Variants in SKAP1 observed in about 807,000 individuals in gnomAD.
The protein encoded by SKAP1 is src kinase associated phosphoprotein 1.
Under a neutral mutation model 58.5 loss-of-function variants are expected in SKAP1, and 44 were observed. The observed-to-expected ratio is 0.75, with a 90% CI of 0.59 to 0.97. The LOEUF (loss-of-function observed/expected upper bound fraction) is 0.97. Among genes scored for constraint, SKAP1 ranks in the 50% least tolerant of loss-of-function variants. The pLI is 0.00. For missense variants in SKAP1, 390 were observed against 435.2 expected (o/e 0.90, Z 0.92); for synonymous variants, 127 against 149.7 (o/e 0.85, Z 1.11).
At chr17:48,194,950 G>A (rs2064603896) in intron 4 of SKAP1, among the ~76,000 whole-genome samples, 1 of 152,168 alleles carries the variant, frequency 6.6e-6, no homozygotes, top group Non-Finnish European at 1.5e-5. Flanking sequence ...TCTGAAGGCT[G>A]GGAATGGTCA....
At chr17:48,344,688 A>G (rs1247265847) in intron 4 of SKAP1, among the ~76,000 whole-genome samples, 1 of 152,230 alleles carries the variant, frequency 6.6e-6, no homozygotes, top group Non-Finnish European at 1.5e-5. Context: ...GAATCAATAC[A>G]CAGATCCTAT....
At chr17:48,390,110 T>C (rs1449960747) in intron 2 of SKAP1, among the ~76,000 whole-genome samples, 3 of 152,198 alleles carry the variant, frequency 2.0e-5, no homozygotes, top group Non-Finnish European at 4.4e-5. Flanking sequence ...TGCTCTTGCA[T>C]TTCCCTCCCC....
intron 4 of SKAP1, among the ~76,000 whole-genome samples, chr17:48,305,408 C>CA (rs1178653974): frequency 5.9e-5 from 9 of 152,172 alleles, no homozygotes; most frequent in Non-Finnish European, 1.2e-4. Flanking sequence ...TTGTCTAAGG[C>CA]CACTTGCACA....
chr17:48,267,859 G>C (rs2065573467), intron 4 of SKAP1, among the ~76,000 whole-genome samples: 2 of 152,200 alleles, frequency 1.3e-5, no homozygotes, highest in Admixed American at 1.3e-4. Flanking sequence ...AGGGAAGGGA[G>C]AGATGGAAAG....
chr17:48,400,481 G>A, intron 1 of SKAP1, among the ~76,000 whole-genome samples: 1 of 152,080 alleles, frequency 6.6e-6, no homozygotes, highest in East Asian at 1.9e-4. Context: ...ATGTAGGATG[G>A]GCATGGTGGT....
chr17:48,359,981 C>T (rs1416594283), intron 3 of SKAP1, among the ~76,000 whole-genome samples: 1 of 152,120 alleles, frequency 6.6e-6, no homozygotes, highest in Non-Finnish European at 1.5e-5. Flanking sequence ...GATTTTTAAG[C>T]TTCACAAAGT....
At chr17:48,290,265 A>T (rs1374928796) in intron 4 of SKAP1, among the ~76,000 whole-genome samples, 1 of 152,218 alleles carries the variant, frequency 6.6e-6, no homozygotes, top group Non-Finnish European at 1.5e-5. Context: ...GTAACTAAAG[A>T]TGGTATGTTT....
chr17:48,168,103 C>T (rs1257045825), intron 10 of SKAP1, among the ~76,000 whole-genome samples: 2 of 152,150 alleles, frequency 1.3e-5, no homozygotes, highest in African/African-American at 4.8e-5. Flanking sequence ...GAAATTACAT[C>T]TTACAGGGTC....
chr17:48,257,214 G>C (rs2065433119), intron 4 of SKAP1, among the ~76,000 whole-genome samples: 1 of 151,868 alleles, frequency 6.6e-6, no homozygotes, highest in Admixed American at 6.6e-5. Flanking sequence ...ACTGACTGTA[G>C]CTTGAGGTTA....
At chr17:48,286,439 C>G (rs1161035825) in intron 4 of SKAP1, among the ~76,000 whole-genome samples, 1 of 152,230 alleles carries the variant, frequency 6.6e-6, no homozygotes, top group Non-Finnish European at 1.5e-5. Flanking sequence ...ATTCCTCAAA[C>G]TTAACTTCAA....
At chr17:48,160,865 C>T (rs116169002) in intron 11 of SKAP1, among the ~76,000 whole-genome samples, 25 of 152,326 alleles carry the variant, frequency 1.6e-4, no homozygotes, top group African/African-American at 5.3e-4. Context: ...TTCTATTACA[C>T]GGCAAACCTT....
chr17:48,328,232 G>T (rs1045234083), intron 4 of SKAP1, among the ~76,000 whole-genome samples: 4 of 152,178 alleles, frequency 2.6e-5, no homozygotes, highest in African/African-American at 9.7e-5. Context: ...TTTGAACAAG[G>T]TTTTTAAAGT....
intron 4 of SKAP1, among the ~76,000 whole-genome samples, chr17:48,237,825 C>G (rs2065197900): frequency 6.6e-6 from 1 of 151,874 alleles, no homozygotes; most frequent in African/African-American, 2.4e-5. Context: ...AGTTTCCAAT[C>G]CACAACACAT....
chr17:48,228,189 AAGAC>A (rs1170461007), intron 4 of SKAP1, among the ~76,000 whole-genome samples: 5 of 151,856 alleles, frequency 3.3e-5, no homozygotes, highest in Non-Finnish European at 7.4e-5. Context: ...GAGAGAGAGA[AAGAC>A]AAAGAGAGAT....
chr17:48,406,722 T>C (rs1441930756), intron 1 of SKAP1, among the ~76,000 whole-genome samples: 3 of 152,064 alleles, frequency 2.0e-5, no homozygotes, highest in Non-Finnish European at 4.4e-5. Flanking sequence ...CCCACGACCA[T>C]GCCTAGCTAA....
intron 2 of SKAP1, among the ~76,000 whole-genome samples, chr17:48,393,803 C>G (rs2067380024): frequency 6.6e-6 from 1 of 151,856 alleles, no homozygotes; most frequent in African/African-American, 2.4e-5. Flanking sequence ...TTACATTTAT[C>G]TAGTAGTGGC....
rs547249414 is a variant in SKAP1, at chr17:48,395,937, C to CAGAT, written c.152+739_152+742dup. On this transcript the variant is annotated intron_variant, in intron 2 of 12. Coordinates refer to ENST00000336915, the MANE Select transcript of SKAP1 (RefSeq NM_003726.4). ...AAATTAAATCCCAACCATAACCCTG[C>CAGAT]AGATGCTCTTCCTTTTCTAAGAATA... is the stretch of plus-strand genomic sequence containing the variant. Among the ~76,000 whole-genome samples the CAGAT allele has an allele frequency of 4.9e-3, 748 of 152,318 alleles. 6 individuals carry two copies. Among genetic ancestry groups the CAGAT allele is most frequent in the Middle Eastern group, 0.017 (5 of 294 alleles).
At chr17:48,297,726 A>T (rs2065998123) in intron 4 of SKAP1, among the ~76,000 whole-genome samples, 1 of 152,208 alleles carries the variant, frequency 6.6e-6, no homozygotes. Context: ...TGTGACATAA[A>T]AATGTGTGGT....
chr17:48,329,642 G>A (rs1328499114), intron 4 of SKAP1, among the ~76,000 whole-genome samples: 2 of 152,204 alleles, frequency 1.3e-5, no homozygotes, highest in African/African-American at 4.8e-5. Context: ...GGGAGGCGGA[G>A]GTTGCAGTGA....
Sources: gnomAD v4.1 joint callset for allele counts (sites outside exome capture counted in the v4.1 genomes callset) on GRCh38, gnomAD v4.1.1 for gene constraint, MANE v1.5 for transcripts, NCBI Gene and HGNC (gene_info 2026-07-23, HGNC 2026-07-21) for gene names.